Variants in SNTB1 observed in about 807,000 individuals in gnomAD.
SNTB1 encodes the protein syntrophin beta 1, also known as beta-1-syntrophin.
In SNTB1, 36 loss-of-function variants were observed where a neutral mutation model predicts 48.9. The observed-to-expected ratio is 0.74, with a 90% CI of 0.56 to 0.97. SNTB1 has a LOEUF of 0.97. SNTB1 is among the 50% of genes least tolerant of loss of function. The pLI, the probability that SNTB1 is intolerant of heterozygous loss-of-function variation, is 0.00. For synonymous variants in SNTB1, 299 were observed against 294.6 expected (o/e 1.01, Z -0.15); for missense variants, 786 against 703.4 (o/e 1.12, Z -1.33).
At position 120,536,522 on chromosome 8, in the gene SNTB1, T is replaced by C. The variant is rs950419353; in HGVS notation, c.*2355A>G. 2.6e-5 allele frequency: 4 copies of C among 152,310 alleles called. No individual in the cohort carries two copies. The highest frequency in any genetic ancestry group is 9.6e-5 in the African/African-American group (4 of 41,582). 9.4% of individuals were successfully genotyped at this position (152,310 alleles called of 1,614,324 possible). On this transcript the variant is annotated 3_prime_UTR_variant, in exon 7 of 7. Coordinates refer to ENST00000517992, the MANE Select transcript of SNTB1 (RefSeq NM_021021.4). ...ATAAGAAAGAAATGAGTATTGGAAA[T>C]TGATTCATTAGAGCCTCTCTATTAT...
chr8:120,541,933 A>G lies in SNTB1; in HGVS notation c.1401T>C (p.Thr467=), dbSNP rs867786478. ...TGGGAAAGGCACCCTCCTGTGGTTC[A>G]GTGGTAATAGAAAATCCATTCTCAT... ...IHYENGFSIT[T]EPQEGAFPKT... Residue 467 remains threonine, a synonymous_variant, in exon 6 of 7, where the codon ACT becomes ACC. Coordinates refer to ENST00000517992, the MANE Select transcript of SNTB1 (RefSeq NM_021021.4). 5 of 1,614,020 alleles carry G rather than the reference A, an allele frequency of 3.1e-6. No individual in the cohort carries two copies. The highest frequency in any genetic ancestry group is 1.3e-5 in the African/African-American group (1 of 75,028).
At chr8:120,564,796 C>T (rs1815723867) in intron 4 of SNTB1, among the ~76,000 whole-genome samples, 1 of 151,922 alleles carries the variant, frequency 6.6e-6, no homozygotes, top group Non-Finnish European at 1.5e-5. Context: ...GTCTCGAACT[C>T]CTGACCTCAG....
intron 6 of SNTB1, among the ~76,000 whole-genome samples, chr8:120,541,598 A>G (rs1001001248): frequency 2.0e-5 from 3 of 152,196 alleles, no homozygotes; most frequent in Non-Finnish European, 4.4e-5. Context: ...CTTTGACTCA[A>G]ATATTTATGT....
At position 120,693,720 on chromosome 8, in the gene SNTB1, T is replaced by C; in HGVS notation, c.760A>G (p.Ser254Gly). The C allele has an allele frequency of 1.9e-6, 3 of 1,613,996 alleles. 1 individual carries two copies. Residue 254 changes from serine to glycine, a missense_variant, in exon 2 of 7, where the codon AGT (serine) becomes GGT (glycine). Ser to Gly is a moderately conservative substitution (Grantham distance 56). Transcript: ENST00000517992. ...TTCTCAGGGTCGGCCAAGGCCATAC[T>C]CCGAGTGACGTAGCACATTTTGAGG... ...IPLKMCYVTR[S>G]MALADPENRQ...
chr8:120,631,495 AG>A (rs1468287312), intron 3 of SNTB1, among the ~76,000 whole-genome samples: 1 of 152,158 alleles, frequency 6.6e-6, no homozygotes, highest in East Asian at 1.9e-4. Flanking sequence ...CTCAGATGAC[AG>A]GGTTCTTTGG....
At chr8:120,623,806 CTA>C (rs1219411301) in intron 3 of SNTB1, among the ~76,000 whole-genome samples, 24 of 152,316 alleles carry the variant, frequency 1.6e-4, no homozygotes, top group Non-Finnish European at 2.9e-4. Context: ...TGGAACACAT[CTA>C]TTTCATAAAG....
At chr8:120,695,115 C>G (rs1818190738) in intron 1 of SNTB1, among the ~76,000 whole-genome samples, 1 of 152,034 alleles carries the variant, frequency 6.6e-6, no homozygotes, top group South Asian at 2.1e-4. Context: ...TCTCTATCAC[C>G]CACATACTCT....
At chr8:120,631,314 C>T (rs1816974894) in intron 3 of SNTB1, among the ~76,000 whole-genome samples, 1 of 152,180 alleles carries the variant, frequency 6.6e-6, no homozygotes, top group African/African-American at 2.4e-5. Flanking sequence ...GCTCCTACCA[C>T]CAGCATTGTC....
intron 3 of SNTB1, among the ~76,000 whole-genome samples, chr8:120,608,536 G>C (rs1000367807): frequency 5.9e-5 from 9 of 152,134 alleles, no homozygotes; most frequent in Admixed American, 3.3e-4. Flanking sequence ...TACAAGCCAG[G>C]GGGAGAGGCC....
chr8:120,766,152 G>A (rs1050034444), intron 1 of SNTB1, among the ~76,000 whole-genome samples: 28 of 152,130 alleles, frequency 1.8e-4, no homozygotes, highest in African/African-American at 6.8e-4. Flanking sequence ...GATATTTATT[G>A]ACCAAATGCT....
Position 120,632,488 on chromosome 8 carries a change from C to T in SNTB1, c.952G>A (p.Ala318Thr). 6.2e-7 allele frequency: 1 copy of T among 1,614,156 alleles called. No individual in the cohort carries two copies. The highest frequency in any genetic ancestry group is 8.5e-7 in the Non-Finnish European group (1 of 1,180,040). ...AGATGCCTAATCTCTCGGCTCCCAG[C>T]AATGCCTGTTTTCCCCAGCTGCTCT... ...VREQLGKTGI[A>T]GSREIRHLGW... Residue 318 changes from alanine (A) to threonine (T), a missense_variant, in exon 3 of 7, where the codon GCT (alanine) becomes ACT (threonine). Coordinates refer to ENST00000517992, the MANE Select transcript of SNTB1 (RefSeq NM_021021.4).
rs28709605 is a variant in SNTB1 at position 120,548,093 on chromosome 8, T to C, written c.1333+669A>G. On this transcript the variant is annotated intron_variant, in intron 5 of 6. Coordinates refer to ENST00000517992, the MANE Select transcript of SNTB1 (RefSeq NM_021021.4). ...TAATGAGTGAGCCCTTGCTTTGAATTCATGAGAGACCTGGTTGTTTAAAAT... is the reference window on the plus strand; with the variant it reads ...TAATGAGTGAGCCCTTGCTTTGAATCCATGAGAGACCTGGTTGTTTAAAAT... Among the ~76,000 whole-genome samples the C allele has an allele frequency of 3.5e-3, 532 of 152,236 alleles. 4 individuals carry two copies. Among genetic ancestry groups the C allele is most frequent in the African/African-American group, 0.012 (508 of 41,528 alleles).
At chr8:120,711,043 A>G (rs868184073) in intron 1 of SNTB1, among the ~76,000 whole-genome samples, 18 of 152,280 alleles carry the variant, frequency 1.2e-4, no homozygotes, top group African/African-American at 4.3e-4. Flanking sequence ...GCTTGTGCAA[A>G]AACCAAAAAC....
intron 3 of SNTB1, among the ~76,000 whole-genome samples, chr8:120,596,923 A>G (rs1018934825): frequency 1.1e-4 from 16 of 152,240 alleles, no homozygotes; most frequent in African/African-American, 3.6e-4. Flanking sequence ...TGCTTAATGC[A>G]TAGACATCTG....
intron 5 of SNTB1, among the ~76,000 whole-genome samples, chr8:120,547,087 T>C (rs1392744714): frequency 6.6e-6 from 1 of 152,124 alleles, no homozygotes; most frequent in Non-Finnish European, 1.5e-5. Context: ...TTTTTGAGAA[T>C]TTGCTTCCTG....
intron 4 of SNTB1, among the ~76,000 whole-genome samples, chr8:120,552,762 C>T (rs775575380): frequency 1.6e-4 from 24 of 152,018 alleles, no homozygotes; most frequent in African/African-American, 2.7e-4. Context: ...ATGATTCAAG[C>T]GCATTACATT....
intron 3 of SNTB1, among the ~76,000 whole-genome samples, chr8:120,585,097 C>T (rs1430506655): frequency 6.6e-6 from 1 of 152,166 alleles, no homozygotes; most frequent in East Asian, 1.9e-4. Flanking sequence ...TTTGTTATGG[C>T]AGCCCTAACA....
intron 1 of SNTB1, among the ~76,000 whole-genome samples, chr8:120,695,822 T>A (rs1205461994): frequency 6.6e-6 from 1 of 152,152 alleles, no homozygotes; most frequent in Non-Finnish European, 1.5e-5. Flanking sequence ...ATTTCAGGGT[T>A]TTAGTTGAAT....
intron 1 of SNTB1, among the ~76,000 whole-genome samples, chr8:120,806,931 C>T (rs1294580662): frequency 6.6e-6 from 1 of 152,228 alleles, no homozygotes; most frequent in Non-Finnish European, 1.5e-5. Flanking sequence ...ATCATTCCCA[C>T]TTCCACCCTT....
Sources: gnomAD v4.1 joint callset for allele counts (sites outside exome capture counted in the v4.1 genomes callset) on GRCh38, gnomAD v4.1.1 for gene constraint, MANE v1.5 for transcripts, NCBI Gene and HGNC (gene_info 2026-07-23, HGNC 2026-07-21) for gene names.